Variants in PIP4K2A observed in about 807,000 individuals in gnomAD.
PIP4K2A encodes phosphatidylinositol 5-phosphate 4-kinase type-2 alpha.
A neutral mutation model predicts 42.9 loss-of-function variants in PIP4K2A; 14 were observed. The observed-to-expected ratio is 0.33, with a 90% confidence interval of 0.22 to 0.51. PIP4K2A has a LOEUF of 0.51. Among genes scored for constraint, PIP4K2A ranks in the 20% least tolerant of loss-of-function variants. The pLI is 0.97. For missense variants in PIP4K2A, 434 were observed against 519.8 expected (o/e 0.83, Z 1.61); for synonymous variants, 192 against 192.2 (o/e 1.00, Z 0.01).
rs71394001 is a variant in PIP4K2A, at chr10:22,561,565, G to GTTTTTTTTTTTTTT, written c.678+6272_678+6285dup. On this transcript the variant is annotated intron_variant, in intron 6 of 9. Transcript: ENST00000376573. The stretch of plus-strand genomic sequence containing the variant: ...TATGTCACCAGAGATTCTCTACGCA[G>GTTTTTTTTTTTTTT]TTTTTTTTTTTTTTTTTTTTTTTTT... Among the ~76,000 whole-genome samples the GTTTTTTTTTTTTTT allele has an allele frequency of 2.6e-5, 3 of 113,500 alleles. 1 individual carries two copies. The highest frequency in any genetic ancestry group is 3.5e-5 in the Non-Finnish European group (2 of 57,628). 74.5% of individuals were successfully genotyped at this position (113,500 alleles called of 152,430 possible).
intron 1 of PIP4K2A, among the ~76,000 whole-genome samples, chr10:22,641,737 G>A (rs1004919100): frequency 3.9e-5 from 6 of 152,044 alleles, no homozygotes; most frequent in African/African-American, 1.4e-4. Context: ...GCCATGAGCT[G>A]CCATGAGCCC....
At chr10:22,658,565 C>A (rs1186501184) in intron 1 of PIP4K2A, among the ~76,000 whole-genome samples, 1 of 152,178 alleles carries the variant, frequency 6.6e-6, no homozygotes, top group Non-Finnish European at 1.5e-5. Flanking sequence ...TCAAGAACTG[C>A]AATTAGAAGC....
In PIP4K2A at chr10:22,596,205, C is replaced by CAAAAAAAAAAAAAAAAAA. The variant is rs10681238; in HGVS notation, c.340-4442_340-4425dup. 1.4e-3 allele frequency among the ~76,000 whole-genome samples: 99 copies of CAAAAAAAAAAAAAAAAAA among 69,652 alleles called. 6 individuals carry two copies. Among genetic ancestry groups the CAAAAAAAAAAAAAAAAAA allele is most frequent in the African/African-American group, 5.9e-3 (93 of 15,790 alleles). The allele number at this position is 69,652 out of a possible 152,430, so 45.7% of individuals were successfully genotyped here. ...GGGCAACAAGAGCAAAACTCCGTCT[C>CAAAAAAAAAAAAAAAAAA]AAAAAAAAAAAAAAAAAAAAGGATT... On this transcript the variant is annotated intron_variant, in intron 3 of 9. Transcript: ENST00000376573.
At chr10:22,572,616 A>T (rs1246910655) in intron 5 of PIP4K2A, among the ~76,000 whole-genome samples, 1 of 142,306 alleles carries the variant, frequency 7.0e-6, no homozygotes, top group African/African-American at 3.0e-5. Flanking sequence ...AAAAAAAAAG[A>T]AAAGAAAAGA....
intron 1 of PIP4K2A, among the ~76,000 whole-genome samples, chr10:22,673,023 T>A (rs1331568040): frequency 2.0e-5 from 3 of 152,144 alleles, no homozygotes; most frequent in Non-Finnish European, 4.4e-5. Flanking sequence ...TGTCTCCCTG[T>A]CCAGGGCCAC....
At chr10:22,653,727 G>A (rs529430316) in intron 1 of PIP4K2A, among the ~76,000 whole-genome samples, 3 of 152,044 alleles carry the variant, frequency 2.0e-5, no homozygotes, top group East Asian at 1.9e-4. Context: ...CAGCCTGGCC[G>A]GCATGGCGAA....
chr10:22,581,763 GTAA>G (rs1837287926), intron 4 of PIP4K2A, among the ~76,000 whole-genome samples: 1 of 151,944 alleles, frequency 6.6e-6, no homozygotes, highest in Non-Finnish European at 1.5e-5. Context: ...TTTCTCATCT[GTAA>G]CATGCATTTC....
chr10:22,542,203 C>CTGTT (rs1836139280), intron 7 of PIP4K2A, among the ~76,000 whole-genome samples, 156 bp from the exon 8 acceptor site: 1 of 152,202 alleles, frequency 6.6e-6, no homozygotes, highest in African/African-American at 2.4e-5. Context: ...CACTCCTGGG[C>CTGTT]TGTTTCTCTA....
At position 22,591,785 on chromosome 10, in the gene PIP4K2A, C is replaced by T. The variant is rs777580271; in HGVS notation, c.340-4G>A. 4 of 1,605,908 alleles carry T rather than the reference C, an allele frequency of 2.5e-6. No individual in the cohort carries two copies. Among genetic ancestry groups the T allele is most frequent in the Middle Eastern group, 3.3e-4 (2 of 6,002 alleles). On this transcript the variant is annotated splice_polypyrimidine_tract_variant and splice_region_variant and intron_variant, in intron 3 of 9. Coordinates refer to ENST00000376573, the MANE Select transcript of PIP4K2A (RefSeq NM_005028.5). ...GTGCGCTCCTGGTCAGGGAATTCTT[C>T]CCGGGTGGGGTAAGAGGGGAAGGAA...
chr10:22,647,404 A>G (rs902072863), intron 1 of PIP4K2A, among the ~76,000 whole-genome samples: 3 of 152,124 alleles, frequency 2.0e-5, no homozygotes, highest in Non-Finnish European at 4.4e-5. Flanking sequence ...ATTTTGTGAA[A>G]GGCTTGTGGG....
intron 1 of PIP4K2A, among the ~76,000 whole-genome samples, chr10:22,708,982 C>T (rs1174646947): frequency 6.6e-6 from 1 of 152,144 alleles, no homozygotes; most frequent in Non-Finnish European, 1.5e-5. Context: ...CAGGGTCTTG[C>T]TATGCTGCCC....
chr10:22,572,073 T>C (rs1182693815), intron 5 of PIP4K2A, among the ~76,000 whole-genome samples: 2 of 152,236 alleles, frequency 1.3e-5, no homozygotes, highest in African/African-American at 4.8e-5. Context: ...ACAACTCACA[T>C]CTGCAAAAGC....
At chr10:22,545,264 C>T (rs1212149826) in intron 7 of PIP4K2A, among the ~76,000 whole-genome samples, 1 of 152,214 alleles carries the variant, frequency 6.6e-6, no homozygotes, top group Non-Finnish European at 1.5e-5. Flanking sequence ...CTGCATGAGG[C>T]AACAGCTCTG....
chr10:22,594,497 G>C (rs570584140), intron 3 of PIP4K2A, among the ~76,000 whole-genome samples: 150 of 152,354 alleles, frequency 9.8e-4, no homozygotes, highest in Admixed American at 1.6e-3. Context: ...CTGGACTCAA[G>C]TGATTCTCGT....
chr10:22,693,037 G>T (rs974053861), intron 1 of PIP4K2A, among the ~76,000 whole-genome samples: 2 of 152,180 alleles, frequency 1.3e-5, no homozygotes, highest in African/African-American at 4.8e-5. Flanking sequence ...ATAACAAATA[G>T]TTCTGCATAT....
chr10:22,560,555 T>G (rs1254499953), intron 6 of PIP4K2A, among the ~76,000 whole-genome samples: 1 of 152,242 alleles, frequency 6.6e-6, no homozygotes, highest in African/African-American at 2.4e-5. Context: ...TAATTGCTGG[T>G]GCAATTCACA....
intron 7 of PIP4K2A, among the ~76,000 whole-genome samples, chr10:22,548,944 C>T (rs1032014356): frequency 6.6e-6 from 1 of 152,062 alleles, no homozygotes; most frequent in African/African-American, 2.4e-5. Flanking sequence ...GTCCCAGCTA[C>T]TATGGAGGCT....
chr10:22,593,152 A>G (rs10764342), intron 3 of PIP4K2A, among the ~76,000 whole-genome samples: 88,027 of 152,048 alleles, frequency 0.58, 26,248 homozygotes, highest in East Asian at 0.94. Context: ...GCCTGAAGAG[A>G]AAAGTGGCCC....
At chr10:22,589,413 G>A (rs1056886152) in intron 4 of PIP4K2A, among the ~76,000 whole-genome samples, 3 of 152,134 alleles carry the variant, frequency 2.0e-5, no homozygotes, top group Non-Finnish European at 2.9e-5. Context: ...AGAATAAGAG[G>A]CAGTAGCATA....
Sources: allele counts gnomAD v4.1 joint callset (sites outside exome capture counted in the v4.1 genomes callset), GRCh38; gene constraint gnomAD v4.1.1; transcripts MANE v1.5; gene names NCBI Gene and HGNC (gene_info 2026-07-23, HGNC 2026-07-21).